DUXA: variants seen among roughly 807,000 people sequenced by gnomAD.
DUXA encodes the protein double homeobox protein A.
In DUXA, 25 loss-of-function variants were observed where a neutral mutation model predicts 27.5. That is an observed-to-expected ratio of 0.91 (90% CI 0.66 to 1.27). DUXA has a LOEUF of 1.27. Among genes scored for constraint, DUXA ranks in the 50% most tolerant of loss-of-function variants. DUXA has a pLI of 0.00. For synonymous variants in DUXA, 90 were observed against 80.5 expected (o/e 1.12, Z -0.63); for missense variants, 247 against 242.9 (o/e 1.02, Z -0.11).
At chr19:57,164,684 A>G (rs970188295) in intron 1 of DUXA, among the ~76,000 whole-genome samples, 3 of 152,240 alleles carry the variant, frequency 2.0e-5, no homozygotes, top group African/African-American at 4.8e-5. Context: ...AATAATAAAA[A>G]TGTGAAAGGC....
At chr19:57,155,646 A>AAGATAGATAGATAAATAGATAGATAGAT (rs2086989354) in intron 4 of DUXA, among the ~76,000 whole-genome samples, 1 of 144,012 alleles carries the variant, frequency 6.9e-6, no homozygotes, top group Non-Finnish European at 1.5e-5. Context: ...TGCCCAACCC[A>AAGATAGATAGATAAATAGATAGATAGAT]AGATAGATAG....
At chr19:57,157,569 G>T (rs1384714843) in intron 4 of DUXA, among the ~76,000 whole-genome samples, 1 of 152,014 alleles carries the variant, frequency 6.6e-6, no homozygotes, top group Non-Finnish European at 1.5e-5. Context: ...GACCTCAGGT[G>T]ATCTGCCCAC....
intron 1 of DUXA, 38 bp downstream of exon 1, chr19:57,167,381 A>T: frequency 6.2e-7 from 1 of 1,611,570 alleles, no homozygotes; most frequent in Non-Finnish European, 8.5e-7. Flanking sequence ...CTTTTTCCCC[A>T]AACCAACAAA....
chr19:57,155,506 C>T, intron 4 of DUXA, 134 bp from the exon 5 acceptor site: 2 of 671,224 alleles, frequency 3.0e-6, no homozygotes, highest in Non-Finnish European at 5.0e-6. Flanking sequence ...CACAGCTGTG[C>T]ATCATCACCT....
At position 57,161,073 on chromosome 19, in the gene DUXA, C is replaced by G. The variant is rs141135795; in HGVS notation, c.26-276G>C. 6.1e-3 allele frequency among the ~76,000 whole-genome samples: 926 copies of G among 152,020 alleles called. 5 individuals carry two copies. Among genetic ancestry groups the G allele is most frequent in the Non-Finnish European group, 0.01 (710 of 67,992 alleles). ...GGGCATGGTGGTTGACGCCTGTAAT[C>G]CCAGCACTTTAGGAGGTCAAGGTGG... On this transcript the variant is annotated intron_variant, in intron 1 of 5. Transcript: ENST00000554048.
chr19:57,159,309 CGT>C, intron 2 of DUXA, 31 bp from the exon 3 acceptor site: 1 of 1,592,052 alleles, frequency 6.3e-7, no homozygotes, highest in South Asian at 1.1e-5. Context: ...GAGAGAATTA[CGT>C]GTTAATGTCA....
At chr19:57,161,460 A>G (rs997407873) in intron 1 of DUXA, among the ~76,000 whole-genome samples, 2 of 146,806 alleles carry the variant, frequency 1.4e-5, no homozygotes, top group African/African-American at 2.7e-5. Context: ...CGTCTCTACT[A>G]AAAATACAAA....
chr19:57,164,203 C>A (rs2087039159), intron 1 of DUXA, among the ~76,000 whole-genome samples: 1 of 152,208 alleles, frequency 6.6e-6, no homozygotes, highest in African/African-American at 2.4e-5. Context: ...TTCCTCATGA[C>A]CACATGGGAT....
intron 1 of DUXA, among the ~76,000 whole-genome samples, chr19:57,162,685 C>G (rs559517147): frequency 7.2e-5 from 11 of 152,290 alleles, no homozygotes; most frequent in African/African-American, 2.6e-4. Context: ...AGTGATTCTC[C>G]TGCCTCAGCC....
At chr19:57,154,591 T>C in intron 5 of DUXA, 109 bp from the exon 6 acceptor site, 3 of 842,840 alleles carry the variant, frequency 3.6e-6, no homozygotes, top group Non-Finnish European at 3.5e-6. Context: ...TTAGACGGAG[T>C]CTCACTTTGT....
chr19:57,160,537 C>A, intron 2 of DUXA, 106 bp downstream of exon 2: 1 of 1,342,004 alleles, frequency 7.5e-7, no homozygotes, highest in South Asian at 1.4e-5. Flanking sequence ...AGTTGAGATA[C>A]TCCCTACCAA....
chr19:57,167,359 T>G, intron 1 of DUXA, 60 bp downstream of exon 1: 1 of 1,606,996 alleles, frequency 6.2e-7, no homozygotes, highest in Non-Finnish European at 8.5e-7. Flanking sequence ...GACCACTGGG[T>G]TTTTAGCCCT....
At chr19:57,166,319 A>G (rs1208369328) in intron 1 of DUXA, among the ~76,000 whole-genome samples, 1 of 152,082 alleles carries the variant, frequency 6.6e-6, no homozygotes, top group African/African-American at 2.4e-5. Flanking sequence ...GTATGTATGT[A>G]TGTATTTTTG....
At chr19:57,154,572 T>G (rs1170209580) in intron 5 of DUXA, 90 bp from the exon 6 acceptor site, 16 of 1,092,606 alleles carry the variant, frequency 1.5e-5, no homozygotes, top group Non-Finnish European at 1.8e-5. Context: ...CTTTTCTTTT[T>G]TTTTTTTTTT....
At chr19:57,163,887 G>A (rs758239080) in intron 1 of DUXA, among the ~76,000 whole-genome samples, 7 of 152,002 alleles carry the variant, frequency 4.6e-5, no homozygotes, top group East Asian at 1.9e-4. Context: ...TTTACCTATC[G>A]ATGATTTTGT....
chr19:57,156,759 G>A (rs756827280), intron 4 of DUXA, among the ~76,000 whole-genome samples: 3 of 152,116 alleles, frequency 2.0e-5, no homozygotes, highest in Non-Finnish European at 4.4e-5. Context: ...CCGCCTCCCG[G>A]GTTCAAGCAA....
intron 1 of DUXA, among the ~76,000 whole-genome samples, chr19:57,161,332 A>AAAAAG: frequency 7.0e-6 from 1 of 142,062 alleles, no homozygotes; most frequent in Admixed American, 7.1e-5. Flanking sequence ...CTCAAAAAAA[A>AAAAAG]AAAAAAAAAA....
Position 57,164,511 on chromosome 19 carries a change from GTTGCAGTGAGCCGAGA to G in DUXA, c.25+2892_25+2907del, listed in dbSNP as rs2087041141. On this transcript the variant is annotated intron_variant, in intron 1 of 5. Coordinates refer to ENST00000554048, the MANE Select transcript of DUXA (RefSeq NM_001012729.2). ...AATCGCTTGAACCCGGGAGGCAGAG[GTTGCAGTGAGCCGAGA>G]TTGCACCATTGCACTCCAGCCTGGG... Among the ~76,000 whole-genome samples the G allele has an allele frequency of 2.0e-5, 3 of 152,046 alleles. No individual in the cohort carries two copies. In the South Asian group the frequency reaches 6.2e-4, roughly 31 times the overall value.
At chr19:57,161,829 C>T (rs952592484) in intron 1 of DUXA, among the ~76,000 whole-genome samples, 3 of 151,972 alleles carry the variant, frequency 2.0e-5, no homozygotes, top group African/African-American at 7.2e-5. Context: ...ATTTCAACCC[C>T]TTTCAGTTTT....
Sources: allele counts gnomAD v4.1 joint callset (sites outside exome capture counted in the v4.1 genomes callset), GRCh38; gene constraint gnomAD v4.1.1; transcripts MANE v1.5; gene names NCBI Gene and HGNC (gene_info 2026-07-23, HGNC 2026-07-21).